Variants in P3H2 observed in about 807,000 individuals in gnomAD.
The protein encoded by P3H2 is prolyl 3-hydroxylase 2.
P3H2 carries 80 observed loss-of-function variants against 87.0 expected under a neutral mutation model. The ratio of observed to expected loss-of-function variants is 0.92; its 90% confidence interval spans 0.77 to 1.11. The LOEUF (loss-of-function observed/expected upper bound fraction) is 1.11. P3H2 is among the 50% of genes least tolerant of loss of function. P3H2 has a pLI of 0.00. For missense variants in P3H2, 1,001 were observed against 923.9 expected, an observed-to-expected ratio of 1.08 and a Z score of -1.08; for synonymous variants, 367 against 359.3, an observed-to-expected ratio of 1.02 and a Z score of -0.24.
intron 1 of P3H2, among the ~76,000 whole-genome samples, chr3:190,082,747 T>C (rs903516832): frequency 6.6e-6 from 1 of 152,244 alleles, no homozygotes; most frequent in African/African-American, 2.4e-5. Context: ...CAGAATGCTT[T>C]GCATAGAGTA....
At chr3:190,038,942 C>A (rs1725510752) in intron 1 of P3H2, among the ~76,000 whole-genome samples, 1 of 152,186 alleles carries the variant, frequency 6.6e-6, no homozygotes, top group Non-Finnish European at 1.5e-5. Context: ...GTAATCCCAG[C>A]ACTTTGGGAA....
At chr3:190,031,828 A>T (rs1360458869) in intron 1 of P3H2, among the ~76,000 whole-genome samples, 1 of 152,208 alleles carries the variant, frequency 6.6e-6, no homozygotes, top group Non-Finnish European at 1.5e-5. Context: ...TCAGCTAGAA[A>T]TAATTGATCA....
chr3:190,084,327 G>C (rs1727143998), intron 1 of P3H2, among the ~76,000 whole-genome samples: 1 of 152,172 alleles, frequency 6.6e-6, no homozygotes, highest in Non-Finnish European at 1.5e-5. Context: ...AGAAAATAAG[G>C]ATGACAATTA....
chr3:190,009,276 T>G (rs1321912745), intron 1 of P3H2, among the ~76,000 whole-genome samples: 5 of 152,184 alleles, frequency 3.3e-5, no homozygotes, highest in African/African-American at 9.7e-5. Context: ...AACATGAAAC[T>G]TGTAAAGCAA....
At chr3:190,083,340 T>A (rs550581963) in intron 1 of P3H2, among the ~76,000 whole-genome samples, 3 of 152,172 alleles carry the variant, frequency 2.0e-5, no homozygotes, top group Non-Finnish European at 4.4e-5. Context: ...CTTATCCACA[T>A]CAAAGAAGGA....
intron 1 of P3H2, among the ~76,000 whole-genome samples, chr3:190,005,575 G>A (rs1467621512): frequency 6.6e-6 from 1 of 152,180 alleles, no homozygotes; most frequent in Non-Finnish European, 1.5e-5. Context: ...TCGCTTTACT[G>A]TGAGCAATGC....
chr3:190,006,628 G>T (rs1284489093), intron 1 of P3H2, among the ~76,000 whole-genome samples: 1 of 152,172 alleles, frequency 6.6e-6, no homozygotes, highest in Non-Finnish European at 1.5e-5. Context: ...GGCAGAGTGG[G>T]TGGGTGGCAG....
intron 1 of P3H2, among the ~76,000 whole-genome samples, chr3:190,070,472 G>T (rs112157842): frequency 7.2e-5 from 11 of 152,196 alleles, no homozygotes; most frequent in African/African-American, 2.6e-4. Flanking sequence ...AAATGTGAAA[G>T]TGTCCTTCAT....
rs1242864531 is a variant in P3H2 at position 190,021,424 on chromosome 3, A to AT, written c.481-25983dup. Among the ~76,000 whole-genome samples the AT allele has an allele frequency of 5.9e-5, 8 of 134,710 alleles. 2 individuals are homozygous for AT. The highest frequency in any genetic ancestry group is 1.8e-4 in the African/African-American group (7 of 39,062). 88.4% of individuals were successfully genotyped at this position (134,710 alleles called of 152,430 possible). On this transcript the variant is annotated intron_variant, in intron 1 of 14. Transcript: ENST00000319332. ...TGTTTTTAAAGTCTTCCTTTTTTCAATTTTTTGTTCTGTAACAAATAGATT... is the reference window on the plus strand; with the variant it reads ...TGTTTTTAAAGTCTTCCTTTTTTCAATTTTTTTGTTCTGTAACAAATAGATT...
intron 1 of P3H2, among the ~76,000 whole-genome samples, chr3:190,009,537 T>A (rs189518475): frequency 6.6e-6 from 1 of 152,292 alleles, no homozygotes; most frequent in Non-Finnish European, 1.5e-5. Context: ...TGGTAGGGCA[T>A]CCCAATAAGG....
intron 1 of P3H2, among the ~76,000 whole-genome samples, chr3:190,036,803 T>C (rs1160256387): frequency 6.6e-6 from 1 of 152,100 alleles, no homozygotes; most frequent in Non-Finnish European, 1.5e-5. Context: ...TCCCTTCTCC[T>C]CCACTGTGAT....
chr3:189,968,828 C>T (rs1723080860), intron 13 of P3H2, among the ~76,000 whole-genome samples: 1 of 152,214 alleles, frequency 6.6e-6, no homozygotes, highest in Non-Finnish European at 1.5e-5. Flanking sequence ...TTTTGATTTG[C>T]ATGTCTCTAA....
chr3:189,973,654 G>C (rs1723254015), intron 10 of P3H2, among the ~76,000 whole-genome samples: 1 of 151,458 alleles, frequency 6.6e-6, no homozygotes, highest in South Asian at 2.1e-4. Context: ...CTCCCGAGTA[G>C]CTGGGACTAC....
chr3:190,063,852 C>T (rs960460314), intron 1 of P3H2, among the ~76,000 whole-genome samples: 12 of 152,118 alleles, frequency 7.9e-5, no homozygotes, highest in African/African-American at 2.7e-4. Context: ...CAATTTGTTA[C>T]TTTCTGCGAG....
At chr3:189,958,851 TCAC>T (rs1560335129) in intron 14 of P3H2, among the ~76,000 whole-genome samples, 1 of 151,744 alleles carries the variant, frequency 6.6e-6, no homozygotes, top group Non-Finnish European at 1.5e-5. Context: ...TTACAGGCGC[TCAC>T]CACCATGCCC....
intron 1 of P3H2, among the ~76,000 whole-genome samples, chr3:190,054,375 C>T (rs60691858): frequency 0.039 from 5,880 of 151,672 alleles, 318 homozygotes; most frequent in East Asian, 0.21. Flanking sequence ...ATCTGAGAGC[C>T]GACGTCAGTA....
chr3:190,015,838 C>T lies in P3H2; in HGVS notation c.481-20396G>A, dbSNP rs916885910. On this transcript the variant is annotated intron_variant, in intron 1 of 14. Coordinates refer to ENST00000319332, the MANE Select transcript of P3H2 (RefSeq NM_018192.4). The stretch of plus-strand genomic sequence containing the variant: ...GCTACACCCTGCCTGGACTGAAGCT[C>T]TGCCCAAGGATAGGACTGGAGATAA... Among the ~76,000 whole-genome samples the T allele has an allele frequency of 3.3e-5, 5 of 152,292 alleles. No homozygotes were observed. The South Asian group carries it at 8.3e-4, about 25-fold the overall frequency.
chr3:190,087,745 TGGGTAGGAGA>T (rs112799384), intron 1 of P3H2, among the ~76,000 whole-genome samples: 2,386 of 152,176 alleles, frequency 0.016, 54 homozygotes, highest in African/African-American at 0.046. Context: ...TAATGATTCT[TGGGTAGGAGA>T]GGGTAGGAGA....
At chr3:190,078,523 G>C (rs1346847046) in intron 1 of P3H2, among the ~76,000 whole-genome samples, 1 of 152,082 alleles carries the variant, frequency 6.6e-6, no homozygotes, top group Non-Finnish European at 1.5e-5. Context: ...ACCTACTAAA[G>C]GCAACTGATT....
Sources: allele counts gnomAD v4.1 joint callset (sites outside exome capture counted in the v4.1 genomes callset), GRCh38; gene constraint gnomAD v4.1.1; transcripts MANE v1.5; gene names NCBI Gene and HGNC (gene_info 2026-07-23, HGNC 2026-07-21).